SEPTIN10: variants seen among roughly 807,000 people sequenced by gnomAD.
SEPTIN10 encodes the protein septin-10.
SEPTIN10 carries 66 observed loss-of-function variants against 54.8 expected under a neutral mutation model. That is an observed-to-expected ratio of 1.21 (90% CI 0.99 to 1.48). The LOEUF (loss-of-function observed/expected upper bound fraction) is 1.48, where lower values mean the gene tolerates loss of function less well. SEPTIN10 is among the 40% of genes most tolerant of loss of function. The pLI is 0.00. For missense variants in SEPTIN10, 620 were observed against 545.6 expected (o/e 1.14, Z -1.36); for synonymous variants, 161 against 181.0 (o/e 0.89, Z 0.89).
chr2:109,575,964 G>C (rs559585041), intron 4 of SEPTIN10, among the ~76,000 whole-genome samples: 1 of 152,120 alleles, frequency 6.6e-6, no homozygotes, highest in Non-Finnish European at 1.5e-5. Flanking sequence ...TTTTCCACCA[G>C]AACTAGCATA....
intron 4 of SEPTIN10, among the ~76,000 whole-genome samples, chr2:109,584,371 A>T (rs1691948012): frequency 6.8e-6 from 1 of 147,054 alleles, no homozygotes; most frequent in African/African-American, 2.5e-5. Context: ...GCTACTCGGG[A>T]GGCTGAGGCA....
At chr2:109,576,893 CAG>C (rs1284477209) in intron 4 of SEPTIN10, among the ~76,000 whole-genome samples, 1 of 151,734 alleles carries the variant, frequency 6.6e-6, no homozygotes, top group East Asian at 1.9e-4. Flanking sequence ...AGGAAAAAAA[CAG>C]AAAAGAGGGC....
At chr2:109,563,005 G>A (rs1015766638) in intron 8 of SEPTIN10, among the ~76,000 whole-genome samples, 10 of 151,888 alleles carry the variant, frequency 6.6e-5, no homozygotes, top group Non-Finnish European at 1.3e-4. Context: ...CTGCCTCCCA[G>A]GTTCAAGTGA....
At chr2:109,603,854 T>G (rs532214893) in intron 1 of SEPTIN10, among the ~76,000 whole-genome samples, 1 of 151,958 alleles carries the variant, frequency 6.6e-6, no homozygotes, top group African/African-American at 2.4e-5. Context: ...GCCAATATGG[T>G]GAAACCGTCT....
intron 2 of SEPTIN10, among the ~76,000 whole-genome samples, chr2:109,588,337 GT>G (rs781371259): frequency 6.6e-6 from 1 of 151,816 alleles, no homozygotes; most frequent in Non-Finnish European, 1.5e-5. Context: ...TGTAAGAGAG[GT>G]TTTTTTTAAC....
chr2:109,544,143 T>C lies in SEPTIN10; in HGVS notation c.*166A>G. The C allele has an allele frequency of 6.5e-7, 1 of 1,544,712 alleles. No individual in the cohort carries two copies. Among genetic ancestry groups the C allele is most frequent in the Non-Finnish European group, 8.7e-7 (1 of 1,148,176 alleles). ...AGTATCATTCACTCTGGCTTATGTA[T>C]TGACCTTGTACTTGAAAGTACTTTT... On this transcript the variant is annotated 3_prime_UTR_variant, in exon 11 of 11. Transcript: ENST00000397712.
intron 1 of SEPTIN10, among the ~76,000 whole-genome samples, chr2:109,604,605 T>C (rs1366010972): frequency 1.3e-5 from 2 of 151,226 alleles, no homozygotes; most frequent in Non-Finnish European, 2.9e-5. Flanking sequence ...CGGGTGCCTG[T>C]AGTCCCAGGT....
At chr2:109,573,457 G>C (rs931775004) in intron 5 of SEPTIN10, among the ~76,000 whole-genome samples, 1 of 152,154 alleles carries the variant, frequency 6.6e-6, no homozygotes, top group East Asian at 1.9e-4. Context: ...TAGAACATCT[G>C]ATCACATGTG....
chr2:109,548,530 G>C (rs544815850), intron 9 of SEPTIN10, among the ~76,000 whole-genome samples: 7 of 152,134 alleles, frequency 4.6e-5, no homozygotes, highest in African/African-American at 1.7e-4. Context: ...AGGGGGAGAC[G>C]TTTGGGAGGC....
intron 4 of SEPTIN10, among the ~76,000 whole-genome samples, chr2:109,579,658 C>T (rs1405931849): frequency 2.0e-5 from 3 of 150,812 alleles, no homozygotes; most frequent in Non-Finnish European, 2.9e-5. Context: ...GCTGGGATTA[C>T]AGGCATGAGC....
chr2:109,589,427 G>A (rs1693428142), intron 2 of SEPTIN10, among the ~76,000 whole-genome samples: 1 of 152,138 alleles, frequency 6.6e-6, no homozygotes, highest in Non-Finnish European at 1.5e-5. Context: ...AGCTACTCCG[G>A]AGGCTACAGC....
chr2:109,594,740 TGCACACACACACAC>T (rs1171550810), intron 1 of SEPTIN10: 3 of 152,180 alleles, frequency 2.0e-5, no homozygotes, highest in Non-Finnish European at 4.4e-5. Flanking sequence ...CACACGCACA[TGCACACACACACAC>T]ATACACAGTG....
intron 8 of SEPTIN10, among the ~76,000 whole-genome samples, chr2:109,554,511 C>T (rs1683893364): frequency 6.6e-6 from 1 of 152,140 alleles, no homozygotes; most frequent in African/African-American, 2.4e-5. Flanking sequence ...GCAGGGCACA[C>T]TCACACCACC....
At chr2:109,559,247 C>T (rs537253876) in intron 8 of SEPTIN10, among the ~76,000 whole-genome samples, 30 of 152,166 alleles carry the variant, frequency 2.0e-4, no homozygotes, top group Non-Finnish European at 3.4e-4. Flanking sequence ...CTATAATGAG[C>T]TACAAAAGCC....
chr2:109,548,338 G>A (rs1681866097), intron 9 of SEPTIN10, among the ~76,000 whole-genome samples: 1 of 152,154 alleles, frequency 6.6e-6, no homozygotes, highest in Non-Finnish European at 1.5e-5. Context: ...TAACATTTTA[G>A]TTCTGGGTAG....
intron 4 of SEPTIN10, among the ~76,000 whole-genome samples, chr2:109,582,070 C>T (rs1383930229): frequency 1.0e-5 from 1 of 100,350 alleles, no homozygotes; most frequent in Non-Finnish European, 2.0e-5. Flanking sequence ...ATGCCATGTA[C>T]AACAGACACA....
At chr2:109,551,893 AT>A in intron 9 of SEPTIN10, among the ~76,000 whole-genome samples, 1 of 152,284 alleles carries the variant, frequency 6.6e-6, no homozygotes, top group East Asian at 1.9e-4. Context: ...AAGTTCAGTG[AT>A]TTTTTTGGTG....
At chr2:109,593,595 G>A (rs938254172) in intron 1 of SEPTIN10, among the ~76,000 whole-genome samples, 1 of 152,026 alleles carries the variant, frequency 6.6e-6, no homozygotes, top group African/African-American at 2.4e-5. Context: ...TAGCAGAGAC[G>A]GGGTTTCACC....
At chr2:109,613,137 T>C in intron 1 of SEPTIN10, 2 of 1,282,992 alleles carry the variant, frequency 1.6e-6, no homozygotes, top group Non-Finnish European at 2.0e-6. Flanking sequence ...AAACTCGATG[T>C]ACACGACCTT....
Sources: allele counts gnomAD v4.1 joint callset (sites outside exome capture counted in the v4.1 genomes callset), GRCh38; gene constraint gnomAD v4.1.1; transcripts MANE v1.5; gene names NCBI Gene and HGNC (gene_info 2026-07-23, HGNC 2026-07-21).